Variants in MYO1E observed in about 807,000 individuals in gnomAD.
MYO1E encodes the protein myosin IE, also known as unconventional myosin-Ie.
In MYO1E, 68 loss-of-function variants were observed where a neutral mutation model predicts 151.1. The ratio of observed to expected loss-of-function variants is 0.45; its 90% CI spans 0.37 to 0.55. The LOEUF (loss-of-function observed/expected upper bound fraction) is 0.55. MYO1E is among the 20% of genes least tolerant of loss of function. The pLI is 0.00. For missense variants in MYO1E, 1,363 were observed against 1,389.3 expected (o/e 0.98, Z 0.30); for synonymous variants, 601 against 501.7 (o/e 1.20, Z -2.64).
chr15:59,262,138 C>T (rs2080227627), intron 2 of MYO1E, among the ~76,000 whole-genome samples: 2 of 151,766 alleles, frequency 1.3e-5, no homozygotes, highest in South Asian at 2.1e-4. Context: ...ACCCATGAGG[C>T]GGAGGTTGCA....
At chr15:59,355,481 C>T (rs1314067622) in intron 1 of MYO1E, among the ~76,000 whole-genome samples, 9 of 152,132 alleles carry the variant, frequency 5.9e-5, no homozygotes, top group Non-Finnish European at 2.9e-5. Flanking sequence ...CCACCTGGAG[C>T]TGGAAATGGA....
At chr15:59,302,761 A>G (rs1320182168) in intron 1 of MYO1E, among the ~76,000 whole-genome samples, 1 of 133,572 alleles carries the variant, frequency 7.5e-6, no homozygotes, top group African/African-American at 3.5e-5. Context: ...AAAGTAATAC[A>G]TTATAAACTC....
chr15:59,326,149 G>GAA (rs75381554), intron 1 of MYO1E, among the ~76,000 whole-genome samples: 1 of 136,756 alleles, frequency 7.3e-6, no homozygotes, highest in African/African-American at 2.7e-5. Flanking sequence ...AAACAAAACA[G>GAA]AAAAAAAAAA....
intron 1 of MYO1E, among the ~76,000 whole-genome samples, chr15:59,354,871 C>A (rs573806830): frequency 3.3e-5 from 5 of 152,144 alleles, no homozygotes; most frequent in Non-Finnish European, 5.9e-5. Context: ...ACAGCTACCC[C>A]CTCCTGCAGG....
At chr15:59,331,550 A>G (rs1247200886) in intron 1 of MYO1E, among the ~76,000 whole-genome samples, 1 of 152,218 alleles carries the variant, frequency 6.6e-6, no homozygotes, top group Non-Finnish European at 1.5e-5. Context: ...TAGAGATCGC[A>G]ATCAACTTGA....
At chr15:59,358,902 A>G (rs1170954752) in intron 1 of MYO1E, among the ~76,000 whole-genome samples, 2 of 152,218 alleles carry the variant, frequency 1.3e-5, no homozygotes, top group South Asian at 2.1e-4. Context: ...CAACTCTGCT[A>G]TTAACTTGCC....
Position 59,261,500 on chromosome 15 carries a change from C to T in MYO1E, c.157G>A (p.Gly53Arg). ...YMDDYIFTYIGSVLISVNPFK... is the reference protein window; with the variant it reads ...YMDDYIFTYIRSVLISVNPFK... ...GGGTTGACTGAGATTAATACAGATC[C>T]TATATATGTCTGAATTTAACTCAGT... Residue 53 changes from glycine to arginine, a missense_variant, in exon 3 of 28, where the codon GGA (glycine) becomes AGA (arginine). Coordinates refer to ENST00000288235, the MANE Select transcript of MYO1E (RefSeq NM_004998.4). The T allele has an allele frequency of 1.3e-6, 2 of 1,594,552 alleles. No homozygotes were observed. The highest frequency in any genetic ancestry group is 1.7e-5 in the Admixed American group (1 of 59,948).
intron 3 of MYO1E, among the ~76,000 whole-genome samples, chr15:59,258,853 T>C (rs903327625): frequency 5.9e-5 from 9 of 151,342 alleles, no homozygotes; most frequent in Non-Finnish European, 1.2e-4. Context: ...TGAGACTTTG[T>C]TTCAAAAGAA....
At chr15:59,149,519 A>G (rs541078915) in intron 26 of MYO1E, among the ~76,000 whole-genome samples, 1 of 152,334 alleles carries the variant, frequency 6.6e-6, no homozygotes, top group African/African-American at 2.4e-5. Flanking sequence ...TGATAATGAT[A>G]GCTACCATGT....
chr15:59,191,098 T>C (rs757448421), intron 17 of MYO1E, among the ~76,000 whole-genome samples: 2 of 152,086 alleles, frequency 1.3e-5, no homozygotes, highest in Non-Finnish European at 2.9e-5. Flanking sequence ...TGATGGGTCT[T>C]ACAGAGCCAA....
chr15:59,341,411 T>C (rs2080765207), intron 1 of MYO1E: 1 of 152,228 alleles, frequency 6.6e-6, no homozygotes, highest in Non-Finnish European at 1.5e-5. Context: ...CGTGTTACTG[T>C]GAGCATGCAA....
intron 22 of MYO1E, among the ~76,000 whole-genome samples, chr15:59,169,190 G>T (rs950669982): frequency 6.6e-6 from 1 of 152,174 alleles, no homozygotes; most frequent in African/African-American, 2.4e-5. Flanking sequence ...TTGATAAATC[G>T]TAACTAGGAG....
chr15:59,361,437 T>G (rs928508017), intron 1 of MYO1E, among the ~76,000 whole-genome samples: 1 of 152,192 alleles, frequency 6.6e-6, no homozygotes, highest in Non-Finnish European at 1.5e-5. Context: ...TCACTATTGA[T>G]GCGACTGTAT....
chr15:59,236,853 G>A (rs538184072), intron 4 of MYO1E, among the ~76,000 whole-genome samples, 181 bp from the exon 5 acceptor site: 36 of 152,234 alleles, frequency 2.4e-4, no homozygotes, highest in East Asian at 1.5e-3. Context: ...GGATTAGGTC[G>A]CCCATGTGAC....
chr15:59,168,507 T>C (rs1172609633), intron 22 of MYO1E, among the ~76,000 whole-genome samples: 7 of 152,118 alleles, frequency 4.6e-5, no homozygotes, highest in African/African-American at 1.7e-4. Flanking sequence ...ATTGCGCCAC[T>C]GCACTCCAGC....
chr15:59,179,309 C>A (rs982459110), intron 18 of MYO1E, among the ~76,000 whole-genome samples: 5 of 152,138 alleles, frequency 3.3e-5, no homozygotes, highest in African/African-American at 1.2e-4. Context: ...TACTATTTTT[C>A]CTTCAGAGCA....
chr15:59,212,579 GT>G (rs2079885861), intron 12 of MYO1E: 1 of 152,084 alleles, frequency 6.6e-6, no homozygotes, highest in South Asian at 2.1e-4. Context: ...GTCATCCTGG[GT>G]TTAGAGTGAA....
intron 19 of MYO1E, among the ~76,000 whole-genome samples, chr15:59,177,659 T>C (rs376446410): frequency 1.1e-4 from 17 of 152,218 alleles, no homozygotes; most frequent in African/African-American, 4.1e-4. Flanking sequence ...GCAGAAGAAC[T>C]GAACAGAACT....
rs543611421 is a variant in MYO1E at position 59,243,761 on chromosome 15, C to T, written c.333-7089G>A. On this transcript the variant is annotated intron_variant, in intron 4 of 27. Coordinates refer to ENST00000288235, the MANE Select transcript of MYO1E (RefSeq NM_004998.4). ...TCTGCCAACAACATTTATTACCTCA[C>T]GCAGAGTTGGAACTAACAAATAATA... Among the ~76,000 whole-genome samples the T allele has an allele frequency of 7.9e-5, 12 of 152,236 alleles. No individual in the cohort carries two copies. In the South Asian group the frequency reaches 1.9e-3, roughly 24 times the overall value.
Sources: allele counts gnomAD v4.1 joint callset (sites outside exome capture counted in the v4.1 genomes callset), GRCh38; gene constraint gnomAD v4.1.1; transcripts MANE v1.5; gene names NCBI Gene and HGNC (gene_info 2026-07-23, HGNC 2026-07-21).